Variants in PPP2R2B observed in about 807,000 individuals in gnomAD.
PPP2R2B encodes the protein protein phosphatase 2 regulatory subunit Bbeta.
In PPP2R2B, 5 loss-of-function variants were observed where a neutral mutation model predicts 46.0. The ratio of observed to expected loss-of-function variants is 0.11; its 90% confidence interval spans 0.06 to 0.23. The LOEUF is 0.23. PPP2R2B is among the 10% of genes least tolerant of loss of function. The probability of loss-of-function intolerance (pLI) is 1.00; values close to 1 mark genes in which losing one functional copy is unlikely to be tolerated. For synonymous variants in PPP2R2B, 215 were observed against 206.7 expected (o/e 1.04, Z -0.34); for missense variants, 367 against 575.0 (o/e 0.64, Z 3.70).
intron 2 of PPP2R2B, among the ~76,000 whole-genome samples, chr5:147,061,428 C>A (rs1272328622): frequency 1.3e-5 from 2 of 152,140 alleles, no homozygotes; most frequent in Non-Finnish European, 2.9e-5. Context: ...TGCAATTTAT[C>A]CTCACCGAGA....
intron 9 of PPP2R2B, 90 bp from the exon 10 acceptor site, chr5:146,590,316 C>A (rs1323798498): frequency 7.3e-7 from 1 of 1,366,296 alleles, no homozygotes. Context: ...GCTTATGACA[C>A]CATAGGTTTT....
rs144607914 is a variant in PPP2R2B at position 146,769,172 on chromosome 5, G to A, written c.71-68030C>T. 1.7e-3 allele frequency among the ~76,000 whole-genome samples: 258 copies of A among 152,146 alleles called. 1 individual carries two copies. The highest frequency in any genetic ancestry group is 6.0e-3 in the African/African-American group (250 of 41,538). On this transcript the variant is annotated intron_variant, in intron 2 of 9. Coordinates refer to ENST00000394411, the MANE Select transcript of PPP2R2B (RefSeq NM_181675.4). Reference sequence around the variant, plus strand: ...GGATTACAGGCCAGGCAAAGCTTTTGTAACCACCTAAAGCACAGCCTTCTC... The same window carrying A: ...GGATTACAGGCCAGGCAAAGCTTTTATAACCACCTAAAGCACAGCCTTCTC...
chr5:146,653,731 G>A (rs1199750671), intron 5 of PPP2R2B, among the ~76,000 whole-genome samples: 1 of 152,196 alleles, frequency 6.6e-6, no homozygotes, highest in Non-Finnish European at 1.5e-5. Context: ...AGCTTAATGT[G>A]ATGGGCCTGC....
At chr5:146,768,030 A>G (rs1457184338) in intron 2 of PPP2R2B, among the ~76,000 whole-genome samples, 1 of 151,856 alleles carries the variant, frequency 6.6e-6, no homozygotes, top group East Asian at 1.9e-4. Context: ...CACAATAAGC[A>G]TTGTCATTTG....
At chr5:146,859,925 T>C (rs1021188680) in intron 2 of PPP2R2B, among the ~76,000 whole-genome samples, 1 of 152,082 alleles carries the variant, frequency 6.6e-6, no homozygotes, top group Non-Finnish European at 1.5e-5. Flanking sequence ...AAAGAAATTC[T>C]ATCTGAAGTT....
At chr5:146,786,923 A>G (rs1755875195) in intron 2 of PPP2R2B, among the ~76,000 whole-genome samples, 2 of 152,236 alleles carry the variant, frequency 1.3e-5, no homozygotes, top group Admixed American at 6.5e-5. Context: ...CTTGTTATCT[A>G]TGCTTATAAT....
At chr5:146,982,259 GTGTTTT>G (rs1753213604) in intron 1 of PPP2R2B, among the ~76,000 whole-genome samples, 1 of 151,992 alleles carries the variant, frequency 6.6e-6, no homozygotes, top group South Asian at 2.1e-4. Flanking sequence ...TTGATATGTT[GTGTTTT>G]TATTTTCATT....
chr5:146,737,158 A>G (rs1165436372), intron 2 of PPP2R2B, among the ~76,000 whole-genome samples: 6 of 152,180 alleles, frequency 3.9e-5, no homozygotes, highest in Non-Finnish European at 8.8e-5. Flanking sequence ...AGGGTTCAGT[A>G]GCTACTGGGG....
At chr5:147,039,602 C>T (rs901932497) in intron 1 of PPP2R2B, among the ~76,000 whole-genome samples, 10 of 152,168 alleles carry the variant, frequency 6.6e-5, no homozygotes, top group African/African-American at 2.4e-4. Context: ...CAGAAACCTA[C>T]CACGGAGACC....
At chr5:146,593,126 C>A in intron 8 of PPP2R2B, 64 bp from the exon 9 acceptor site, 3 of 1,293,654 alleles carry the variant, frequency 2.3e-6, no homozygotes, top group Non-Finnish European at 2.2e-6. Flanking sequence ...TCTGCAAACA[C>A]CTCCTCTTCT....
At chr5:146,943,682 T>C (rs1287906389) in intron 1 of PPP2R2B, among the ~76,000 whole-genome samples, 6 of 152,206 alleles carry the variant, frequency 3.9e-5, no homozygotes, top group South Asian at 4.1e-4. Context: ...TCATTTTTTT[T>C]TTTTATAGCA....
At chr5:146,892,840 T>C (rs319185) in intron 1 of PPP2R2B, among the ~76,000 whole-genome samples, 71,695 of 152,110 alleles carry the variant, frequency 0.47, 18,251 homozygotes, top group East Asian at 0.7. Context: ...TCAGAATTTT[T>C]CATATTAATT....
chr5:146,876,598 G>T (rs1178259559), intron 2 of PPP2R2B, among the ~76,000 whole-genome samples: 1 of 152,130 alleles, frequency 6.6e-6, no homozygotes, highest in African/African-American at 2.4e-5. Context: ...TTGCCATCAT[G>T]CACAGAAAAA....
chr5:146,981,912 G>T (rs1012295865), intron 1 of PPP2R2B, among the ~76,000 whole-genome samples: 15 of 152,132 alleles, frequency 9.9e-5, no homozygotes, highest in African/African-American at 2.9e-4. Context: ...GTAGCAACTT[G>T]CCCAGAAGTC....
chr5:146,862,829 C>A (rs1761084232), intron 2 of PPP2R2B, among the ~76,000 whole-genome samples: 1 of 140,890 alleles, frequency 7.1e-6, no homozygotes. Flanking sequence ...ATATGAGTGA[C>A]TCAAAGGCAA....
At chr5:146,819,531 G>A (rs1209752244) in intron 2 of PPP2R2B, among the ~76,000 whole-genome samples, 1 of 152,144 alleles carries the variant, frequency 6.6e-6, no homozygotes, top group Admixed American at 6.5e-5. Context: ...GAATAAGGAA[G>A]TGAAAAAGGT....
chr5:146,809,128 C>T (rs963055009), intron 2 of PPP2R2B, among the ~76,000 whole-genome samples: 3 of 152,112 alleles, frequency 2.0e-5, no homozygotes, highest in East Asian at 3.9e-4. Flanking sequence ...TTGGGGGCAG[C>T]TTTCTCTAGT....
intron 1 of PPP2R2B, among the ~76,000 whole-genome samples, chr5:147,005,787 AAGAG>A (rs1370943716): frequency 2.1e-5 from 3 of 145,706 alleles, no homozygotes; most frequent in East Asian, 4.0e-4. Context: ...GAAAGAGAGA[AAGAG>A]AGAGACAGAC....
At chr5:146,665,134 C>T (rs1776904382) in intron 5 of PPP2R2B, among the ~76,000 whole-genome samples, 1 of 152,184 alleles carries the variant, frequency 6.6e-6, no homozygotes, top group Admixed American at 6.5e-5. Flanking sequence ...TCACCAGCTG[C>T]ATTAGCCCCT....
Sources: gnomAD v4.1 joint callset for allele counts (sites outside exome capture counted in the v4.1 genomes callset) on GRCh38, gnomAD v4.1.1 for gene constraint, MANE v1.5 for transcripts, NCBI Gene and HGNC (gene_info 2026-07-23, HGNC 2026-07-21) for gene names.